Variants in CCDC178 observed in about 807,000 individuals in gnomAD.
CCDC178 encodes the protein coiled-coil domain containing 178, also known as coiled-coil domain-containing protein 178.
A neutral mutation model predicts 117.4 loss-of-function variants in CCDC178; 126 were observed. That is an observed-to-expected ratio of 1.07 (90% CI 0.93 to 1.24). The LOEUF (loss-of-function observed/expected upper bound fraction) is 1.24. Ranked by LOEUF, CCDC178 falls within the 50% of genes most tolerant of loss-of-function variation. CCDC178 has a pLI of 0.00. For synonymous variants in CCDC178, 283 were observed against 313.4 expected (o/e 0.90, Z 1.02); for missense variants, 1,030 against 986.9 (o/e 1.04, Z -0.59).
chr18:33,046,112 T>C (rs561027594), intron 21 of CCDC178, among the ~76,000 whole-genome samples: 64 of 152,314 alleles, frequency 4.2e-4, no homozygotes, highest in African/African-American at 1.5e-3. Flanking sequence ...TAGATGATGT[T>C]AGCCTTTACG....
chr18:33,311,782 C>T (rs1294484699), intron 11 of CCDC178, among the ~76,000 whole-genome samples: 1 of 152,144 alleles, frequency 6.6e-6, no homozygotes, highest in Non-Finnish European at 1.5e-5. Flanking sequence ...CAAGGAGCTA[C>T]AACTTTTACT....
At chr18:33,237,064 G>T (rs1232930489) in intron 15 of CCDC178, among the ~76,000 whole-genome samples, 1 of 152,110 alleles carries the variant, frequency 6.6e-6, no homozygotes, top group Non-Finnish European at 1.5e-5. Flanking sequence ...CCCACCTCCT[G>T]TGAGCCAAGC....
At chr18:33,246,030 G>C (rs892504745) in intron 14 of CCDC178, among the ~76,000 whole-genome samples, 2 of 151,766 alleles carry the variant, frequency 1.3e-5, no homozygotes, top group African/African-American at 4.8e-5. Context: ...AGAACCACTT[G>C]AATAAAGCAA....
At chr18:33,408,692 A>G (rs1246591379) in intron 3 of CCDC178, among the ~76,000 whole-genome samples, 3 of 152,176 alleles carry the variant, frequency 2.0e-5, no homozygotes, top group Admixed American at 6.5e-5. Context: ...ATTTTAAAAT[A>G]TCAAAACACT....
intron 20 of CCDC178, among the ~76,000 whole-genome samples, chr18:33,210,622 G>A (rs1371910629): frequency 1.3e-5 from 2 of 152,010 alleles, no homozygotes; most frequent in Admixed American, 1.3e-4. Context: ...TAAAATGTGA[G>A]GTGGGGAAGA....
At chr18:33,372,965 C>G (rs537685018) in intron 5 of CCDC178, among the ~76,000 whole-genome samples, 2 of 152,194 alleles carry the variant, frequency 1.3e-5, no homozygotes, top group East Asian at 3.9e-4. Flanking sequence ...GGCATATTTC[C>G]TTTTCACATT....
At chr18:33,195,118 T>TA (rs141813596) in intron 20 of CCDC178, among the ~76,000 whole-genome samples, 29 of 89,170 alleles carry the variant, frequency 3.3e-4, no homozygotes, top group East Asian at 1.4e-3. Context: ...CACTGTCTCT[T>TA]AAAAAAAAAA....
intron 20 of CCDC178, among the ~76,000 whole-genome samples, chr18:33,112,123 T>A (rs991607604): frequency 1.3e-5 from 2 of 151,736 alleles, no homozygotes; most frequent in Non-Finnish European, 2.9e-5. Context: ...AAATAAAAAT[T>A]TAAGGTAAGT....
In CCDC178 at chr18:33,415,449, G is replaced by A. The variant is rs549926481; in HGVS notation, c.-22-3339C>T. On this transcript the variant is annotated intron_variant, in intron 2 of 22. Transcript: ENST00000383096. Reference sequence around the variant, plus strand: ...CATCAGTCTCAGCAAACTATCGCAAGGACAAAAAAACAAACACCGCATGTT... The same window carrying A: ...CATCAGTCTCAGCAAACTATCGCAAAGACAAAAAAACAAACACCGCATGTT... Among the ~76,000 whole-genome samples, 3 of 151,376 alleles carry A rather than the reference G, an allele frequency of 2.0e-5. No homozygotes were observed. In the East Asian group the frequency reaches 5.9e-4, roughly 30 times the overall value.
At chr18:33,272,027 CAAGTAA>C (rs937011667) in intron 12 of CCDC178, among the ~76,000 whole-genome samples, 1 of 151,170 alleles carries the variant, frequency 6.6e-6, no homozygotes, top group Non-Finnish European at 1.5e-5. Flanking sequence ...AAACCCAAAG[CAAGTAA>C]AAGAATGAAA....
chr18:33,077,530 T>C lies in CCDC178; in HGVS notation c.2388+15231A>G, dbSNP rs979050801. Among the ~76,000 whole-genome samples, 5 of 152,124 alleles carry C rather than the reference T, an allele frequency of 3.3e-5. No homozygotes were observed. In the East Asian group the frequency reaches 9.6e-4, roughly 29 times the overall value. On this transcript the variant is annotated intron_variant, in intron 21 of 22. Coordinates refer to ENST00000383096, the MANE Select transcript of CCDC178 (RefSeq NM_001105528.4). ...AAAAATAATAATATAGATAGGCCAC[T>C]AGCTGGACTAATAAAGAAGAAAAGA... is the stretch of plus-strand genomic sequence containing the variant.
chr18:33,206,821 G>A (rs1221902768), intron 20 of CCDC178, among the ~76,000 whole-genome samples: 1 of 152,160 alleles, frequency 6.6e-6, no homozygotes, highest in Admixed American at 6.5e-5. Flanking sequence ...TATAGCAAAG[G>A]TAATGTCTTC....
chr18:33,432,396 C>A (rs1207040225), intron 2 of CCDC178, among the ~76,000 whole-genome samples: 1 of 150,978 alleles, frequency 6.6e-6, no homozygotes, highest in African/African-American at 2.4e-5. Flanking sequence ...TTTTTCTAAG[C>A]GAACTGTAAG....
chr18:32,966,122 A>G (rs1460477153), intron 22 of CCDC178, among the ~76,000 whole-genome samples: 1 of 151,740 alleles, frequency 6.6e-6, no homozygotes, highest in Non-Finnish European at 1.5e-5. Flanking sequence ...TAAATATACA[A>G]AATAGATATA....
rs552340091 is a variant in CCDC178, at chr18:33,077,019, A to T, written c.2388+15742T>A. Among the ~76,000 whole-genome samples, 14 of 152,322 alleles carry T rather than the reference A, an allele frequency of 9.2e-5. No individual in the cohort carries two copies. In the East Asian group the frequency reaches 1.7e-3, roughly 19 times the overall value. ...TCACCATGGATTAGAAACATAAATG[A>T]TCTACCATTTCCTATGTAACACCAT... On this transcript the variant is annotated intron_variant, in intron 21 of 22. Transcript: ENST00000383096.
chr18:33,281,641 T>C (rs774003326), intron 12 of CCDC178, among the ~76,000 whole-genome samples: 2 of 152,282 alleles, frequency 1.3e-5, no homozygotes, highest in Non-Finnish European at 1.5e-5. Context: ...AGATGTCTTC[T>C]TAAAAGTGAA....
At chr18:32,958,742 C>T (rs904756577) in intron 22 of CCDC178, among the ~76,000 whole-genome samples, 4 of 152,190 alleles carry the variant, frequency 2.6e-5, no homozygotes, top group Admixed American at 1.3e-4. Context: ...CCTGACTTAA[C>T]TGTCCCAGCC....
intron 20 of CCDC178, among the ~76,000 whole-genome samples, chr18:33,181,590 T>C (rs975297897): frequency 6.6e-6 from 1 of 152,012 alleles, no homozygotes; most frequent in Non-Finnish European, 1.5e-5. Flanking sequence ...TTAATTTATA[T>C]GTATTGTTCC....
At chr18:33,148,817 A>G (rs1045484921) in intron 20 of CCDC178, among the ~76,000 whole-genome samples, 6 of 152,178 alleles carry the variant, frequency 3.9e-5, no homozygotes, top group African/African-American at 1.4e-4. Flanking sequence ...TTGTTGGGGC[A>G]TGTCACAATA....
Sources: gnomAD v4.1 joint callset for allele counts (sites outside exome capture counted in the v4.1 genomes callset) on GRCh38, gnomAD v4.1.1 for gene constraint, MANE v1.5 for transcripts, NCBI Gene and HGNC (gene_info 2026-07-23, HGNC 2026-07-21) for gene names.